KIT: variants seen among roughly 807,000 people sequenced by gnomAD.
KIT encodes KIT proto-oncogene, receptor tyrosine kinase.
A neutral mutation model predicts 105.7 loss-of-function variants in KIT; 16 were observed. That is an observed-to-expected ratio of 0.15 (90% CI 0.10 to 0.23). KIT has a LOEUF of 0.23. Among genes scored for constraint, KIT ranks in the 10% least tolerant of loss-of-function variants. The probability of loss-of-function intolerance (pLI) is 1.00; values close to 1 mark genes in which losing one functional copy is unlikely to be tolerated. For synonymous variants in KIT, 438 were observed against 441.1 expected, an observed-to-expected ratio of 0.99 and a Z score of 0.09; for missense variants, 858 against 1,213.8, an observed-to-expected ratio of 0.71 and a Z score of 4.36.
intron 1 of KIT, among the ~76,000 whole-genome samples, chr4:54,671,506 C>A (rs1321698646): frequency 6.6e-6 from 1 of 152,198 alleles, no homozygotes; most frequent in East Asian, 1.9e-4. Flanking sequence ...GGCTGCTTAA[C>A]TAATTATGAA....
chr4:54,739,252 G>A lies in KIT; in HGVS notation c.*695G>A, dbSNP rs868170640. 6 of 250,760 alleles carry A rather than the reference G, an allele frequency of 2.4e-5. No individual in the cohort carries two copies. The highest frequency in any genetic ancestry group is 1.1e-3 in the Middle Eastern group (1 of 874). 15.5% of individuals were successfully genotyped at this position (250,760 alleles called of 1,614,324 possible). On this transcript the variant is annotated 3_prime_UTR_variant, in exon 21 of 21. Coordinates refer to ENST00000288135, the MANE Select transcript of KIT (RefSeq NM_000222.3). ...ATATACGCATCTATAAATTGTCCGT[G>A]TTCATACATTTGAGGGGAAAACACC...
intron 1 of KIT, among the ~76,000 whole-genome samples, chr4:54,679,473 G>C (rs1190096384): frequency 6.6e-6 from 1 of 152,100 alleles, no homozygotes; most frequent in Non-Finnish European, 1.5e-5. Flanking sequence ...CATCCCTATG[G>C]CTATAAAGTG....
intron 1 of KIT, among the ~76,000 whole-genome samples, chr4:54,658,406 G>T (rs931509552): frequency 4.6e-5 from 7 of 152,124 alleles, no homozygotes; most frequent in Non-Finnish European, 8.8e-5. Context: ...ACGTTGCGCG[G>T]GGGGCGGAGG....
chr4:54,723,549 C>G, intron 7 of KIT, 35 bp from the exon 8 acceptor site: 4 of 1,384,336 alleles, frequency 2.9e-6, no homozygotes, highest in Non-Finnish European at 4.1e-6. Context: ...GGTTTTCCAG[C>G]ACTCTGACAT....
intron 9 of KIT, 143 bp downstream of exon 9, chr4:54,726,193 T>C: frequency 1.4e-6 from 1 of 720,642 alleles, no homozygotes; most frequent in Non-Finnish European, 2.4e-6. Context: ...ACTCACTAAG[T>C]TTCATTTTGT....
chr4:54,729,080 G>A (rs1333309173), intron 13 of KIT, among the ~76,000 whole-genome samples: 1 of 152,172 alleles, frequency 6.6e-6, no homozygotes, highest in African/African-American at 2.4e-5. Flanking sequence ...TGTAAAACCA[G>A]CAGTCATGCT....
At chr4:54,684,863 A>G (rs1004221936) in intron 1 of KIT, among the ~76,000 whole-genome samples, 8 of 152,178 alleles carry the variant, frequency 5.3e-5, no homozygotes, top group Non-Finnish European at 1.0e-4. Flanking sequence ...TAATGAGTGT[A>G]TGAGTTCTAT....
chr4:54,709,923 C>T (rs112408250), intron 7 of KIT, among the ~76,000 whole-genome samples: 1,658 of 152,300 alleles, frequency 0.011, 33 homozygotes, highest in African/African-American at 0.038. Context: ...CGAGCCCTGA[C>T]GTGATTTCTT....
intron 7 of KIT, among the ~76,000 whole-genome samples, chr4:54,716,536 T>C (rs1161838151): frequency 6.6e-6 from 1 of 152,194 alleles, no homozygotes; most frequent in Non-Finnish European, 1.5e-5. Flanking sequence ...TAAATAAAAA[T>C]GAAGTCATAT....
rs1465708161 is a variant in KIT at position 54,699,598 on chromosome 4, T to A, written c.620-32T>A. ...CAAAATTTCATGCTATAATACAAAT[T>A]ATTTGAGGGGCCACATTTCTTTTCA... On this transcript the variant is annotated intron_variant, in intron 3 of 20. Transcript: ENST00000288135. The A allele has an allele frequency of 2.5e-6, 4 of 1,613,072 alleles. No individual in the cohort carries two copies. In the Admixed American group the frequency reaches 6.7e-5, roughly 27 times the overall value.
chr4:54,667,299 G>C (rs1717772904), intron 1 of KIT, among the ~76,000 whole-genome samples: 1 of 152,182 alleles, frequency 6.6e-6, no homozygotes, highest in Non-Finnish European at 1.5e-5. Context: ...TTGCAATTCA[G>C]CAGCTACTGC....
intron 7 of KIT, among the ~76,000 whole-genome samples, chr4:54,723,066 C>G (rs1400926919): frequency 6.6e-6 from 1 of 151,754 alleles, no homozygotes; most frequent in Non-Finnish European, 1.5e-5. Flanking sequence ...GGCTTTTAAT[C>G]GGCACCACCC....
chr4:54,729,762 C>T (rs1262130909), intron 14 of KIT, among the ~76,000 whole-genome samples: 1 of 152,136 alleles, frequency 6.6e-6, no homozygotes, highest in African/African-American at 2.4e-5. Flanking sequence ...ATCTGTTTCT[C>T]TTACGGTTCT....
intron 16 of KIT, 148 bp downstream of exon 16, chr4:54,732,146 AT>A: frequency 1.1e-6 from 1 of 918,520 alleles, no homozygotes; most frequent in Non-Finnish European, 1.6e-6. Context: ...AGCAGAGGAA[AT>A]TTAGTTTCTT....
intron 9 of KIT, 106 bp from the exon 10 acceptor site, chr4:54,727,112 G>T (rs779457535): frequency 3.2e-5 from 28 of 888,150 alleles, no homozygotes; most frequent in Non-Finnish European, 5.2e-5. Context: ...TTTGCATCCT[G>T]CCATGGGCTG....
Position 54,727,344 on chromosome 4 carries a change from C to T in KIT, c.1647+20C>T, listed in dbSNP as rs1261353368. 1 of 1,613,074 alleles carries T rather than the reference C, an allele frequency of 6.2e-7. No homozygotes were observed. Among genetic ancestry groups the T allele is most frequent in the Non-Finnish European group, 8.5e-7 (1 of 1,179,030 alleles). ...TTACAGGTAACCATTTATTTGTTCT[C>T]TCTCCAGAGTGCTCTAATGACTGAG... On this transcript the variant is annotated intron_variant, in intron 10 of 20. Transcript: ENST00000288135.
At chr4:54,701,925 G>C (rs746259609) in intron 4 of KIT, among the ~76,000 whole-genome samples, 1 of 152,114 alleles carries the variant, frequency 6.6e-6, no homozygotes, top group Non-Finnish European at 1.5e-5. Context: ...CTCTTAGAAG[G>C]GGGTAGTAGG....
Position 54,738,804 on chromosome 4 carries a change from G to T in KIT, c.*247G>T. 1 of 607,342 alleles carries T rather than the reference G, an allele frequency of 1.6e-6. No individual in the cohort carries two copies. The highest frequency in any genetic ancestry group is 2.9e-5 in the Admixed American group (1 of 34,796). 37.6% of individuals were successfully genotyped at this position (607,342 alleles called of 1,614,324 possible). On this transcript the variant is annotated 3_prime_UTR_variant, in exon 21 of 21. Coordinates refer to ENST00000288135, the MANE Select transcript of KIT (RefSeq NM_000222.3). ...TTCTACCATGAACAGAAAACATTCTGATTTGGAAAAAGAGAGGGAGGTATG... is the reference window on the plus strand; with the variant it reads ...TTCTACCATGAACAGAAAACATTCTTATTTGGAAAAAGAGAGGGAGGTATG...
At chr4:54,666,469 G>A (rs1014611104) in intron 1 of KIT, among the ~76,000 whole-genome samples, 57 of 152,140 alleles carry the variant, frequency 3.7e-4, no homozygotes, top group African/African-American at 1.2e-3. Flanking sequence ...TAGTAGAGAC[G>A]GGGTTTCACC....
Sources: gnomAD v4.1 joint callset for allele counts (sites outside exome capture counted in the v4.1 genomes callset) on GRCh38, gnomAD v4.1.1 for gene constraint, MANE v1.5 for transcripts, NCBI Gene and HGNC (gene_info 2026-07-23, HGNC 2026-07-21) for gene names.